Variants in TSPEAR observed in about 807,000 individuals in gnomAD.
TSPEAR encodes the protein thrombospondin type laminin G domain and EAR repeats.
A neutral mutation model predicts 71.6 loss-of-function variants in TSPEAR; 69 were observed. That is an observed-to-expected ratio of 0.96 (90% CI 0.79 to 1.18). The LOEUF (loss-of-function observed/expected upper bound fraction) is 1.18. TSPEAR is among the 50% of genes most tolerant of loss of function. The pLI, the probability that TSPEAR is intolerant of heterozygous loss-of-function variation, is 0.00. For synonymous variants in TSPEAR, 402 were observed against 387.2 expected, an observed-to-expected ratio of 1.04 and a Z score of -0.45; for missense variants, 971 against 894.9, an observed-to-expected ratio of 1.09 and a Z score of -1.09.
intron 9 of TSPEAR, among the ~76,000 whole-genome samples, chr21:44,513,869 TG>T (rs2052473519): frequency 6.6e-6 from 1 of 152,076 alleles, no homozygotes; most frequent in Admixed American, 6.5e-5. Flanking sequence ...GCATCCTCTC[TG>T]AGGGTAGCCA....
At chr21:44,579,264 C>T (rs1555924413) in intron 1 of TSPEAR, among the ~76,000 whole-genome samples, 2 of 152,244 alleles carry the variant, frequency 1.3e-5, no homozygotes, top group African/African-American at 4.8e-5. Flanking sequence ...AAGACCCAGG[C>T]ATGGAGGCTG....
In TSPEAR at chr21:44,677,535, C is replaced by T. The variant is rs1159039932; in HGVS notation, c.82+33898G>A. On this transcript the variant is annotated intron_variant, in intron 1 of 11. Transcript: ENST00000323084. ...GCAAGCTGCAATTTCTTCACATGGT[C>T]GTTCCCTTATAGAAGATGAGGATGC... 35 of 833,954 alleles carry T rather than the reference C, an allele frequency of 4.2e-5. No homozygotes were observed. In the Admixed American group the frequency reaches 6.3e-4, roughly 15 times the overall value. 51.7% of individuals were successfully genotyped at this position (833,954 alleles called of 1,614,324 possible).
At chr21:44,540,448 T>C (rs1351791503) in intron 2 of TSPEAR, among the ~76,000 whole-genome samples, 5 of 151,990 alleles carry the variant, frequency 3.3e-5, no homozygotes, top group African/African-American at 9.7e-5. Context: ...AGAGTGGAGG[T>C]GGACCTGGTC....
At chr21:44,537,760 T>C (rs1342354873) in intron 2 of TSPEAR, among the ~76,000 whole-genome samples, 2 of 152,082 alleles carry the variant, frequency 1.3e-5, no homozygotes, top group Non-Finnish European at 2.9e-5. Context: ...TTGGAAATAT[T>C]TGGAGGGCAT....
chr21:44,692,836 T>A (rs1987175323), intron 1 of TSPEAR, among the ~76,000 whole-genome samples: 4 of 152,154 alleles, frequency 2.6e-5, no homozygotes, highest in Admixed American at 2.0e-4. Context: ...AAGTCTTTTT[T>A]TTTTCCAGAA....
chr21:44,639,529 T>C (rs1983900613), intron 1 of TSPEAR, among the ~76,000 whole-genome samples: 1 of 152,136 alleles, frequency 6.6e-6, no homozygotes, highest in Non-Finnish European at 1.5e-5. Flanking sequence ...TGACACAGCC[T>C]TGTCCACCTC....
chr21:44,534,689 G>C (rs782631075), intron 2 of TSPEAR, among the ~76,000 whole-genome samples: 5 of 152,160 alleles, frequency 3.3e-5, no homozygotes, highest in Non-Finnish European at 5.9e-5. Flanking sequence ...CTGTTGGTGG[G>C]AATGTAAAAT....
At chr21:44,548,877 T>C (rs1555918089) in intron 2 of TSPEAR, among the ~76,000 whole-genome samples, 1 of 152,236 alleles carries the variant, frequency 6.6e-6, no homozygotes, top group African/African-American at 2.4e-5. Flanking sequence ...GGCAAAAATG[T>C]ACCTGAGTGT....
intron 1 of TSPEAR, among the ~76,000 whole-genome samples, chr21:44,660,120 A>C (rs1404164999): frequency 6.6e-6 from 1 of 152,210 alleles, no homozygotes; most frequent in East Asian, 1.9e-4. Flanking sequence ...GTGGAGGGAG[A>C]CAAGAGCAAA....
chr21:44,505,581 CCCCCAG>C (rs2052177648), intron 10 of TSPEAR, among the ~76,000 whole-genome samples: 1 of 58,052 alleles, frequency 1.7e-5, no homozygotes, highest in African/African-American at 5.8e-5. Flanking sequence ...CCCCCCCCCC[CCCCCAG>C]CCCCGGCACC....
chr21:44,533,703 C>T lies in TSPEAR; in HGVS notation c.524G>A (p.Cys175Tyr). 6.2e-7 allele frequency: 1 copy of T among 1,609,362 alleles called. No individual in the cohort carries two copies. The highest frequency in any genetic ancestry group is 1.1e-5 in the South Asian group (1 of 90,992). ...TACCTACATGTCCACCGGGAGGCCG[C>T]AGTCCGTGGTGAGGGAGAAGACGCC... ...SAGVFSLTTD[C>Y]GLPVDIMADV... is the part of the protein sequence containing the mutation. The change falls in exon 3 of 12, where the codon TGC (cysteine) becomes TAC (tyrosine). Residue 175 changes from cysteine (C) to tyrosine (Y), a missense_variant. Coordinates refer to ENST00000323084, the MANE Select transcript of TSPEAR (RefSeq NM_144991.3).
In TSPEAR at chr21:44,646,906, G is replaced by A. The variant is rs145742879; in HGVS notation, c.82+64527C>T. 2.5e-3 allele frequency: 4,096 copies of A among 1,613,278 alleles called. 71 individuals are homozygous for A. In the African/African-American group the frequency reaches 0.049, roughly 19 times the overall value. ...CTGCCAGCCGGCCTGCTGTGTGCCC[G>A]TCTGCTGCAAGCCTGTGTGCTGTGT... On this transcript the variant is annotated intron_variant, in intron 1 of 11. Transcript: ENST00000323084.
At chr21:44,524,286 A>G (rs587655730) in intron 8 of TSPEAR, among the ~76,000 whole-genome samples, 1 of 150,708 alleles carries the variant, frequency 6.6e-6, no homozygotes, top group Non-Finnish European at 1.5e-5. Flanking sequence ...TAGTTAGTCA[A>G]CTAATCATTC....
chr21:44,575,091 A>T, intron 1 of TSPEAR: 1 of 1,373,132 alleles, frequency 7.3e-7, no homozygotes, highest in South Asian at 1.4e-5. Flanking sequence ...TCGCGTCCTG[A>T]ATTGCTCCTG....
intron 9 of TSPEAR, among the ~76,000 whole-genome samples, chr21:44,512,677 G>A (rs1555912878): frequency 6.6e-6 from 1 of 152,202 alleles, no homozygotes; most frequent in Non-Finnish European, 1.5e-5. Context: ...CCAGGGCAGG[G>A]ATTGTGCCCA....
chr21:44,569,233 G>A (rs1216569184), intron 1 of TSPEAR, among the ~76,000 whole-genome samples: 3 of 152,214 alleles, frequency 2.0e-5, no homozygotes, highest in Admixed American at 1.3e-4. Flanking sequence ...AAAGCATCCT[G>A]GTCCGCACAC....
At chr21:44,583,673 G>A (rs1979151952) in intron 1 of TSPEAR, among the ~76,000 whole-genome samples, 1 of 152,168 alleles carries the variant, frequency 6.6e-6, no homozygotes. Context: ...TTTGTAACTT[G>A]AGTGATCTAA....
chr21:44,651,979 CTTT>C (rs60867977), intron 1 of TSPEAR, among the ~76,000 whole-genome samples: 22 of 124,512 alleles, frequency 1.8e-4, no homozygotes, highest in South Asian at 5.1e-4. Flanking sequence ...ATAAAACTTT[CTTT>C]TTTTTTTTTT....
At chr21:44,579,482 G>A in intron 1 of TSPEAR, 1 of 561,856 alleles carries the variant, frequency 1.8e-6, no homozygotes, top group Non-Finnish European at 3.2e-6. Flanking sequence ...GTTTATTGGG[G>A]AGCAGGAGGA....
Sources: allele counts gnomAD v4.1 joint callset (sites outside exome capture counted in the v4.1 genomes callset), GRCh38; gene constraint gnomAD v4.1.1; transcripts MANE v1.5; gene names NCBI Gene and HGNC (gene_info 2026-07-23, HGNC 2026-07-21).